WNT2B: variants seen among roughly 807,000 people sequenced by gnomAD.
WNT2B encodes the protein Wnt family member 2B, also known as protein Wnt-2b.
WNT2B carries 19 observed loss-of-function variants against 40.5 expected under a neutral mutation model. That is an observed-to-expected ratio of 0.47 (90% confidence interval 0.33 to 0.69). The LOEUF is 0.69. Among genes scored for constraint, WNT2B ranks in the 30% least tolerant of loss-of-function variants. The pLI is 0.02. For missense variants in WNT2B, 467 were observed against 556.4 expected (o/e 0.84, Z 1.62); for synonymous variants, 220 against 211.9 (o/e 1.04, Z -0.33).
intron 1 of WNT2B, among the ~76,000 whole-genome samples, chr1:112,490,301 A>G (rs987440056): frequency 1.3e-5 from 2 of 152,166 alleles, no homozygotes; most frequent in African/African-American, 4.8e-5. Context: ...GGAATTCACA[A>G]TCCAGGTAGA....
intron 1 of WNT2B, among the ~76,000 whole-genome samples, chr1:112,483,926 C>A (rs1394739996): frequency 6.6e-6 from 1 of 150,444 alleles, no homozygotes; most frequent in Non-Finnish European, 1.5e-5. Context: ...AAATGCAAAT[C>A]AAATGAAATG....
chr1:112,521,643 A>C lies in WNT2B; in HGVS notation c.*1134A>C, dbSNP rs1473570637. On this transcript the variant is annotated 3_prime_UTR_variant, in exon 5 of 5. Coordinates refer to ENST00000369684, the MANE Select transcript of WNT2B (RefSeq NM_024494.3). Reference sequence around the variant, plus strand: ...GCAGCCTTCCTCCACTTACTCAACAAATCTTTATTTAGTGACTCTCCAAGT... The same window carrying C: ...GCAGCCTTCCTCCACTTACTCAACACATCTTTATTTAGTGACTCTCCAAGT... The C allele has an allele frequency of 6.6e-6, 1 of 152,124 alleles. No individual in the cohort carries two copies. The highest frequency in any genetic ancestry group is 1.5e-5 in the Non-Finnish European group (1 of 68,032). 9.4% of individuals were successfully genotyped at this position (152,124 alleles called of 1,614,324 possible).
chr1:112,513,611 C>A (rs1652430252), intron 1 of WNT2B, among the ~76,000 whole-genome samples: 1 of 152,154 alleles, frequency 6.6e-6, no homozygotes, highest in South Asian at 2.1e-4. Flanking sequence ...CACCAGCTGC[C>A]CTCCCTTCTC....
At chr1:112,495,925 A>G (rs1297222678) in intron 1 of WNT2B, among the ~76,000 whole-genome samples, 1 of 152,064 alleles carries the variant, frequency 6.6e-6, no homozygotes, top group Non-Finnish European at 1.5e-5. Context: ...GGACTGCTGG[A>G]TCTTCACATG....
chr1:112,481,108 G>T (rs1041712604), intron 1 of WNT2B, among the ~76,000 whole-genome samples: 2 of 151,844 alleles, frequency 1.3e-5, no homozygotes, highest in African/African-American at 2.4e-5. Flanking sequence ...GGCAAAGGTT[G>T]CAGTGAGCCG....
upstream of WNT2B, among the ~76,000 whole-genome samples, chr1:112,508,406 C>T (rs542791172): frequency 6.6e-6 from 1 of 151,470 alleles, no homozygotes; most frequent in Non-Finnish European, 1.5e-5. This position sits in a 1 kb window ranked among gnomAD's most constrained non-coding sequence, Gnocchi z 4.2. Context: ...TGCAGTGGCT[C>T]AGAAGAAGCA....
At chr1:112,517,420 C>T (rs1295572505) in intron 4 of WNT2B, 35 bp downstream of exon 4, 1 of 1,574,914 alleles carries the variant, frequency 6.3e-7, no homozygotes, top group Non-Finnish European at 8.7e-7. Flanking sequence ...CATGCAGTCC[C>T]AGTTCTTAGT....
At position 112,523,319 on chromosome 1, in the gene WNT2B, A is replaced by G. The variant is rs1186439104; in HGVS notation, c.*2810A>G. Reference sequence around the variant, plus strand: ...TGGTTAAGAAAAGAGCAAGCTGTCCAGAGAGTGAGAAGTTTGAAAAGAGAG... The same window carrying G: ...TGGTTAAGAAAAGAGCAAGCTGTCCGGAGAGTGAGAAGTTTGAAAAGAGAG... On this transcript the variant is annotated 3_prime_UTR_variant, in exon 5 of 5. Coordinates refer to ENST00000369684, the MANE Select transcript of WNT2B (RefSeq NM_024494.3). 1 of 151,748 alleles carries G rather than the reference A, an allele frequency of 6.6e-6. No individual in the cohort carries two copies. Among genetic ancestry groups the G allele is most frequent in the African/African-American group, 2.4e-5 (1 of 40,984 alleles). 9.4% of individuals were successfully genotyped at this position (151,748 alleles called of 1,614,324 possible).
At chr1:112,507,240 T>C (rs351367), upstream of WNT2B, among the ~76,000 whole-genome samples, 81,044 of 151,928 alleles carry the variant, frequency 0.53, 22,752 homozygotes, top group African/African-American at 0.7. Flanking sequence ...TTACTACTTT[T>C]TAACATACTC....
intron 1 of WNT2B, among the ~76,000 whole-genome samples, chr1:112,491,943 G>T (rs1449015355): frequency 6.6e-6 from 1 of 151,918 alleles, no homozygotes; most frequent in Admixed American, 6.6e-5. Flanking sequence ...ATGTATTAGG[G>T]AAAATTTAGG....
intron 1 of WNT2B, among the ~76,000 whole-genome samples, chr1:112,511,732 T>C (rs566436965): frequency 6.6e-6 from 1 of 152,282 alleles, no homozygotes; most frequent in Admixed American, 6.5e-5. Flanking sequence ...GGGTTGGATG[T>C]AGGGAATCAC....
chr1:112,513,088 T>C (rs1652410129), intron 1 of WNT2B, among the ~76,000 whole-genome samples: 1 of 151,694 alleles, frequency 6.6e-6, no homozygotes, highest in East Asian at 1.9e-4. Context: ...TGGTCTCTCA[T>C]TCCCATCCAA....
chr1:112,470,846 C>A (rs759687832), intron 1 of WNT2B, among the ~76,000 whole-genome samples: 19 of 151,270 alleles, frequency 1.3e-4, no homozygotes, highest in Non-Finnish European at 2.4e-4. Context: ...ATTATGAGCC[C>A]CAGAATAGAG....
chr1:112,504,254 CT>C (rs1318434811), upstream of WNT2B, among the ~76,000 whole-genome samples: 1 of 152,130 alleles, frequency 6.6e-6, no homozygotes, highest in East Asian at 1.9e-4. Context: ...CCCCCATTCC[CT>C]GCCCCCATCG....
chr1:112,474,068 A>T (rs1650978245), intron 1 of WNT2B, among the ~76,000 whole-genome samples: 1 of 146,216 alleles, frequency 6.8e-6, no homozygotes, highest in African/African-American at 2.5e-5. Flanking sequence ...CTGTCTCAAA[A>T]AAAAAAAAAA....
intron 1 of WNT2B, among the ~76,000 whole-genome samples, chr1:112,469,396 G>A (rs1227728759): frequency 6.6e-6 from 1 of 152,088 alleles, no homozygotes; most frequent in African/African-American, 2.4e-5. Context: ...GATGGGGATT[G>A]CGTTGAATCT....
intron 1 of WNT2B, among the ~76,000 whole-genome samples, chr1:112,495,380 T>C (rs532769858): frequency 6.6e-6 from 1 of 151,566 alleles, no homozygotes; most frequent in African/African-American, 2.4e-5. Context: ...ATCGAGACCA[T>C]CCTGGCTAAC....
At chr1:112,484,686 A>C (rs1302987677) in intron 1 of WNT2B, among the ~76,000 whole-genome samples, 1 of 151,812 alleles carries the variant, frequency 6.6e-6, no homozygotes, top group Non-Finnish European at 1.5e-5. Context: ...GGATTGCTTG[A>C]GACCAGGAGT....
At chr1:112,473,926 G>A (rs964631294) in intron 1 of WNT2B, among the ~76,000 whole-genome samples, 12 of 150,504 alleles carry the variant, frequency 8.0e-5, no homozygotes, top group African/African-American at 2.7e-4. Flanking sequence ...TTAGCCGGGC[G>A]TGGTGGCAGG....
Sources: gnomAD v4.1 joint callset for allele counts (sites outside exome capture counted in the v4.1 genomes callset) on GRCh38, gnomAD v4.1.1 for gene constraint, Gnocchi (gnomAD v3.1) non-coding constraint, MANE v1.5 for transcripts, NCBI Gene and HGNC (gene_info 2026-07-23, HGNC 2026-07-21) for gene names.